Variants in NDUFAF2 observed in about 807,000 individuals in gnomAD.
The protein encoded by NDUFAF2 is NADH dehydrogenase [ubiquinone] 1 alpha subcomplex assembly factor 2.
In NDUFAF2, 13 loss-of-function variants were observed where a neutral mutation model predicts 22.8. The ratio of observed to expected loss-of-function variants is 0.57; its 90% CI spans 0.37 to 0.91. The LOEUF (loss-of-function observed/expected upper bound fraction) is 0.91, where lower values mean the gene tolerates loss of function less well. Among genes scored for constraint, NDUFAF2 ranks in the 40% least tolerant of loss-of-function variants. The pLI, the probability that NDUFAF2 is intolerant of heterozygous loss-of-function variation, is 0.01. For missense variants in NDUFAF2, 162 were observed against 195.2 expected (o/e 0.83, Z 1.01); for synonymous variants, 53 against 64.2 (o/e 0.83, Z 0.84).
intron 1 of NDUFAF2, among the ~76,000 whole-genome samples, chr5:60,971,453 A>C (rs1343825184): frequency 6.6e-6 from 1 of 151,414 alleles, no homozygotes; most frequent in East Asian, 1.9e-4. Context: ...TGCCCGGCTA[A>C]TTTTTTTGTA....
intron 3 of NDUFAF2, among the ~76,000 whole-genome samples, chr5:61,130,234 T>G (rs1038895068): frequency 1.3e-5 from 2 of 152,108 alleles, no homozygotes; most frequent in South Asian, 4.1e-4. Flanking sequence ...AATATCACTT[T>G]CCTTGAAATG....
intron 1 of NDUFAF2, among the ~76,000 whole-genome samples, chr5:61,060,896 G>C (rs1752157602): frequency 6.6e-6 from 1 of 152,118 alleles, no homozygotes; most frequent in African/African-American, 2.4e-5. Context: ...TATGAGCGCT[G>C]AAACTCTGAA....
At chr5:61,112,645 T>C (rs1229002534) in intron 3 of NDUFAF2, among the ~76,000 whole-genome samples, 1 of 152,238 alleles carries the variant, frequency 6.6e-6, no homozygotes, top group East Asian at 1.9e-4. Context: ...TATATGAGTC[T>C]TTATACGTGG....
At chr5:61,027,055 T>C (rs1751659433) in intron 1 of NDUFAF2, among the ~76,000 whole-genome samples, 1 of 151,480 alleles carries the variant, frequency 6.6e-6, no homozygotes, top group African/African-American at 2.4e-5. Context: ...TTAAGAAAAA[T>C]TATATTTAAT....
chr5:61,075,800 A>C (rs887018626), intron 2 of NDUFAF2, among the ~76,000 whole-genome samples: 9 of 152,232 alleles, frequency 5.9e-5, no homozygotes, highest in African/African-American at 2.2e-4. Context: ...AAAGTAAATT[A>C]AGTATTTTCA....
At chr5:61,009,258 A>G (rs1580092858) in intron 1 of NDUFAF2, among the ~76,000 whole-genome samples, 1 of 152,128 alleles carries the variant, frequency 6.6e-6, no homozygotes. Flanking sequence ...TGTTGAACAG[A>G]GTTAAATAGG....
intron 1 of NDUFAF2, among the ~76,000 whole-genome samples, chr5:61,035,428 T>C (rs1339259769): frequency 6.9e-6 from 1 of 144,286 alleles, no homozygotes; most frequent in East Asian, 2.0e-4. Flanking sequence ...TGCTCTGTTT[T>C]TTTTTTTTTT....
rs147741901 is a variant in NDUFAF2 at position 60,979,365 on chromosome 5, C to T, written c.127+33983C>T. 1.4e-4 allele frequency among the ~76,000 whole-genome samples: 21 copies of T among 152,260 alleles called. No homozygotes were observed. The East Asian group carries it at 4.1e-3, about 30-fold the overall frequency. On this transcript the variant is annotated intron_variant, in intron 1 of 3. Coordinates refer to ENST00000296597, the MANE Select transcript of NDUFAF2 (RefSeq NM_174889.5). ...AGCACTAAGTGGGCTCATGGGGCCC[C>T]CACTTTTAGGCCCTGGCTCCTGGGT...
rs188499394 is a variant in NDUFAF2, at chr5:61,046,900, A to G, written c.128-26225A>G. 1.9e-3 allele frequency among the ~76,000 whole-genome samples: 282 copies of G among 152,288 alleles called. 3 individuals are homozygous for G. The highest frequency in any genetic ancestry group is 3.0e-3 in the Admixed American group (46 of 15,284). On this transcript the variant is annotated intron_variant, in intron 1 of 3. Coordinates refer to ENST00000296597, the MANE Select transcript of NDUFAF2 (RefSeq NM_174889.5). ...AAAGTTAATAGTGTTGCCCAAAATC[A>G]TATTTGTTCCCCACCCACCTACATT...
At chr5:61,040,117 G>A (rs1295426106) in intron 1 of NDUFAF2, among the ~76,000 whole-genome samples, 1 of 151,988 alleles carries the variant, frequency 6.6e-6, no homozygotes, top group Admixed American at 6.6e-5. Context: ...CCCAAAAAAT[G>A]TATATCCATT....
At chr5:61,118,324 C>T (rs1414871925) in intron 3 of NDUFAF2, among the ~76,000 whole-genome samples, 2 of 152,140 alleles carry the variant, frequency 1.3e-5, no homozygotes, top group African/African-American at 4.8e-5. Context: ...AGGGGTAATA[C>T]ATTATTTCAT....
At chr5:60,994,215 G>A (rs561532562) in intron 1 of NDUFAF2, among the ~76,000 whole-genome samples, 1 of 152,372 alleles carries the variant, frequency 6.6e-6, no homozygotes, top group South Asian at 2.1e-4. Context: ...CAGGCACTAG[G>A]AGCGGGAGCA....
chr5:60,984,291 T>C (rs572144896), intron 1 of NDUFAF2, among the ~76,000 whole-genome samples: 4 of 152,236 alleles, frequency 2.6e-5, no homozygotes, highest in South Asian at 4.2e-4. Context: ...CTTAAGGAGA[T>C]TTTGAGCTGA....
chr5:61,007,593 CACA>C (rs1751384883), intron 1 of NDUFAF2, among the ~76,000 whole-genome samples: 1 of 152,090 alleles, frequency 6.6e-6, no homozygotes, highest in Admixed American at 6.5e-5. Flanking sequence ...AAATCAAAAC[CACA>C]ACGAGATACC....
At chr5:61,037,804 T>A (rs1290848720) in intron 1 of NDUFAF2, among the ~76,000 whole-genome samples, 2 of 152,062 alleles carry the variant, frequency 1.3e-5, no homozygotes, top group African/African-American at 2.4e-5. Flanking sequence ...CTTTGAATAG[T>A]TCTGAAGGAT....
chr5:61,020,878 T>C (rs1483738138), intron 1 of NDUFAF2, among the ~76,000 whole-genome samples: 1 of 152,000 alleles, frequency 6.6e-6, no homozygotes, highest in African/African-American at 2.4e-5. Flanking sequence ...GTATTTTTAG[T>C]AGAGATGGGG....
chr5:61,069,119 G>T (rs1016526687), intron 1 of NDUFAF2, among the ~76,000 whole-genome samples: 34 of 143,404 alleles, frequency 2.4e-4, no homozygotes, highest in Middle Eastern at 3.7e-3. Context: ...TGCCATAAAT[G>T]TTAGTGCTTT....
At chr5:60,988,882 C>G (rs1162060360) in intron 1 of NDUFAF2, among the ~76,000 whole-genome samples, 1 of 152,086 alleles carries the variant, frequency 6.6e-6, no homozygotes, top group African/African-American at 2.4e-5. Flanking sequence ...TATTTTATGA[C>G]AAAGACACCA....
chr5:61,089,625 A>C (rs1251933738), intron 2 of NDUFAF2, among the ~76,000 whole-genome samples: 3 of 152,136 alleles, frequency 2.0e-5, no homozygotes, highest in Non-Finnish European at 2.9e-5. Context: ...TTGTACAATT[A>C]TAAATATACA....
Sources: allele counts gnomAD v4.1 joint callset (sites outside exome capture counted in the v4.1 genomes callset), GRCh38; gene constraint gnomAD v4.1.1; transcripts MANE v1.5; gene names NCBI Gene and HGNC (gene_info 2026-07-23, HGNC 2026-07-21).